The following CDC27 variants were observed in gnomAD, a reference collection of about 807,000 sequenced individuals.
CDC27 encodes cell division cycle 27.
A neutral mutation model predicts 109.7 loss-of-function variants in CDC27; 27 were observed. The ratio of observed to expected loss-of-function variants is 0.25; its 90% CI spans 0.18 to 0.34. The LOEUF is 0.34. CDC27 is among the 10% of genes least tolerant of loss of function. The pLI is 1.00. For synonymous variants in CDC27, 266 were observed against 333.9 expected (o/e 0.80, Z 2.22); for missense variants, 579 against 960.2 (o/e 0.60, Z 5.25).
chr17:47,122,397 C>T (rs1222911385), intron 18 of CDC27, 47 bp downstream of exon 18: 2 of 1,327,670 alleles, frequency 1.5e-6, no homozygotes, highest in Non-Finnish European at 1.0e-6. Flanking sequence ...AATCCTTATG[C>T]AAAAGGTAAC....
intron 15 of CDC27, among the ~76,000 whole-genome samples, chr17:47,130,587 G>A (rs1482789809): frequency 1.3e-5 from 2 of 151,758 alleles, no homozygotes; most frequent in Non-Finnish European, 2.9e-5. Context: ...GTTATAAAGT[G>A]GGGTGGGCTG....
intron 2 of CDC27, among the ~76,000 whole-genome samples, chr17:47,176,351 G>T (rs1044117124): frequency 6.6e-6 from 1 of 151,804 alleles, no homozygotes. Context: ...TGCAAATTTA[G>T]CATATGAATA....
chr17:47,181,782 G>A (rs1212136624), intron 1 of CDC27, 145 bp from the exon 2 acceptor site: 1 of 488,968 alleles, frequency 2.0e-6, no homozygotes, highest in Non-Finnish European at 3.7e-6. Context: ...AAACTCCAGA[G>A]TGTGCCGGGC....
intron 14 of CDC27, among the ~76,000 whole-genome samples, chr17:47,133,906 G>A (rs192149415): frequency 2.0e-5 from 3 of 151,798 alleles, no homozygotes; most frequent in East Asian, 3.9e-4. Context: ...GTGTCACCAC[G>A]CCCAGCTAAT....
intron 2 of CDC27, among the ~76,000 whole-genome samples, chr17:47,175,702 G>A (rs956198813): frequency 6.6e-6 from 1 of 152,174 alleles, no homozygotes; most frequent in Non-Finnish European, 1.5e-5. Flanking sequence ...TGTAATTCCA[G>A]CTTCTTGGGA....
At chr17:47,144,592 C>T (rs959729207) in intron 9 of CDC27, among the ~76,000 whole-genome samples, 5 of 152,084 alleles carry the variant, frequency 3.3e-5, no homozygotes, top group African/African-American at 7.2e-5. Flanking sequence ...CTCTTTAGAG[C>T]GAAAGGAGCC....
rs1414977639 is a variant in CDC27, at chr17:47,118,716, T to C, written c.*2219A>G. ...TCTTCTTCGGGTTGTTTGATCCCCATTCCATGCAAAAAACAAAACCAAACA... is the reference window on the plus strand; with the variant it reads ...TCTTCTTCGGGTTGTTTGATCCCCACTCCATGCAAAAAACAAAACCAAACA... On this transcript the variant is annotated 3_prime_UTR_variant, in exon 19 of 19. Coordinates refer to ENST00000066544, the MANE Select transcript of CDC27 (RefSeq NM_001256.6). 1.3e-5 allele frequency: 2 copies of C among 152,550 alleles called. No homozygotes were observed. The highest frequency in any genetic ancestry group is 4.8e-5 in the African/African-American group (2 of 41,432). The allele number at this position is 152,550 out of a possible 1,614,324, so 9.4% of individuals were successfully genotyped here.
rs1371384810 is a variant in CDC27, at chr17:47,119,037, G to A, written c.*1898C>T. 2 of 152,100 alleles carry A rather than the reference G, an allele frequency of 1.3e-5. No individual in the cohort carries two copies. Among genetic ancestry groups the A allele is most frequent in the Non-Finnish European group, 2.9e-5 (2 of 68,012 alleles). The allele number at this position is 152,100 out of a possible 1,614,324, so 9.4% of individuals were successfully genotyped here. A position where few individuals can be genotyped will look rare whatever the true frequency, so the allele number is the denominator to read the frequency against. On this transcript the variant is annotated 3_prime_UTR_variant, in exon 19 of 19. Transcript: ENST00000066544. ...CTTAGCTTTCTCCAGGCTTTATAAC[G>A]CAGAACTCAGGTTGAAGCTTTCTAT...
At chr17:47,157,590 G>T (rs201721869) in intron 5 of CDC27, among the ~76,000 whole-genome samples, 1 of 12,142 alleles carries the variant, frequency 8.2e-5, no homozygotes, top group South Asian at 1.9e-3. Flanking sequence ...AGCTGTAAAT[G>T]AAAATAAACT....
chr17:47,148,962 C>T (rs969700645), intron 9 of CDC27, among the ~76,000 whole-genome samples: 1 of 151,586 alleles, frequency 6.6e-6, no homozygotes, highest in African/African-American at 2.4e-5. Flanking sequence ...GCCTGTAATC[C>T]CAGCTACTCG....
chr17:47,149,293 A>T (rs1272199891), intron 9 of CDC27, among the ~76,000 whole-genome samples: 1 of 151,808 alleles, frequency 6.6e-6, no homozygotes, highest in Non-Finnish European at 1.5e-5. Flanking sequence ...CAGGAGGATC[A>T]CAAGGTCAAG....
intron 9 of CDC27, among the ~76,000 whole-genome samples, chr17:47,147,710 A>G (rs2063013673): frequency 6.6e-6 from 1 of 151,766 alleles, no homozygotes; most frequent in South Asian, 2.1e-4. Flanking sequence ...TCTCATAGAG[A>G]CCTTGTCCTT....
intron 1 of CDC27, among the ~76,000 whole-genome samples, chr17:47,185,462 C>G: frequency 6.6e-6 from 1 of 152,292 alleles, no homozygotes; most frequent in Middle Eastern, 3.4e-3. Flanking sequence ...GGATTACAGG[C>G]GTGAGGCACC....
At chr17:47,161,266 G>T in intron 4 of CDC27, 2 of 151,740 alleles carry the variant, frequency 1.3e-5, no homozygotes, top group South Asian at 4.1e-4. Flanking sequence ...TTACAGGTGT[G>T]AGCCACCACA....
At chr17:47,185,165 T>C (rs2064382897) in intron 1 of CDC27, among the ~76,000 whole-genome samples, 1 of 152,128 alleles carries the variant, frequency 6.6e-6, no homozygotes, top group South Asian at 2.1e-4. Context: ...TAGACTTAAA[T>C]GTAATCACTA....
intron 1 of CDC27, chr17:47,188,881 C>G (rs2064557687): frequency 7.2e-7 from 1 of 1,380,772 alleles, no homozygotes; most frequent in East Asian, 2.7e-5. Context: ...ACAGGAAAGG[C>G]TGGCCGGACG....
chr17:47,165,255 A>C (rs1253244642), intron 4 of CDC27, among the ~76,000 whole-genome samples: 1 of 152,172 alleles, frequency 6.6e-6, no homozygotes, highest in East Asian at 1.9e-4. Context: ...GGCTTTTATG[A>C]ATAAAGTTGC....
chr17:47,122,684 T>A, intron 17 of CDC27, 84 bp from the exon 18 acceptor site: 1 of 1,017,846 alleles, frequency 9.8e-7, no homozygotes, highest in Non-Finnish European at 1.3e-6. Context: ...ACTTATTTAT[T>A]TATTTTTGAG....
Position 47,146,100 on chromosome 17 carries a change from A to G in CDC27, c.1071-2118T>C, listed in dbSNP as rs117791230. ...TCCTGGTTTGTAAACATACTGATGC[A>G]TTGGGAGGGTGAGCCCAGAAAGAAG... is the stretch of plus-strand genomic sequence containing the variant. On this transcript the variant is annotated intron_variant, in intron 9 of 18. Coordinates refer to ENST00000066544, the MANE Select transcript of CDC27 (RefSeq NM_001256.6). 2.3e-3 allele frequency among the ~76,000 whole-genome samples: 344 copies of G among 152,324 alleles called. 1 individual carries two copies. The highest frequency in any genetic ancestry group is 4.4e-3 in the Non-Finnish European group (297 of 68,020).
Sources: allele counts gnomAD v4.1 joint callset (sites outside exome capture counted in the v4.1 genomes callset), GRCh38; gene constraint gnomAD v4.1.1; transcripts MANE v1.5; gene names NCBI Gene and HGNC (gene_info 2026-07-23, HGNC 2026-07-21).